FEZ2: variants seen among roughly 807,000 people sequenced by gnomAD.
FEZ2 encodes the protein fasciculation and elongation protein zeta-2.
A neutral mutation model predicts 40.4 loss-of-function variants in FEZ2; 51 were observed. The ratio of observed to expected loss-of-function variants is 1.26; its 90% confidence interval spans 1.01 to 1.59. The LOEUF is 1.59. Among genes scored for constraint, FEZ2 ranks in the 40% most tolerant of loss-of-function variants. The pLI is 0.00. For missense variants in FEZ2, 640 were observed against 438.3 expected (o/e 1.46, Z -4.11); for synonymous variants, 242 against 172.0 (o/e 1.41, Z -3.18).
At position 36,578,580 on chromosome 2, in the gene FEZ2, T is replaced by G. The variant is rs1200081480; in HGVS notation, c.903+17A>C. On this transcript the variant is annotated intron_variant, in intron 5 of 7. Coordinates refer to ENST00000405912, the MANE Select transcript of FEZ2 (RefSeq NM_005102.3). ...CCTGTTTCCAGTGTTCGACGCCTCC[T>G]GCAAAACATCACTTACTGTGCCGGG... The G allele has an allele frequency of 1.2e-6, 2 of 1,602,498 alleles. No homozygotes were observed. The highest frequency in any genetic ancestry group is 4.5e-5 in the East Asian group (2 of 44,792).
chr2:36,559,511 T>A (rs1326383911), intron 5 of FEZ2, among the ~76,000 whole-genome samples: 1 of 152,222 alleles, frequency 6.6e-6, no homozygotes, highest in Admixed American at 6.5e-5. Flanking sequence ...AGTAACTGGA[T>A]CCCTAAGTCC....
chr2:36,588,841 T>C (rs1238758072), intron 2 of FEZ2, among the ~76,000 whole-genome samples: 1 of 152,026 alleles, frequency 6.6e-6, no homozygotes, highest in Non-Finnish European at 1.5e-5. Context: ...CCAGAGAATA[T>C]GGTGGGCCCG....
At chr2:36,581,986 A>G (rs531381333) in intron 3 of FEZ2, among the ~76,000 whole-genome samples, 28 of 152,142 alleles carry the variant, frequency 1.8e-4, no homozygotes, top group Admixed American at 6.5e-4. Context: ...AAAAAAAGGG[A>G]TTTTTTAAAT....
chr2:36,597,046 C>T (rs1669245584), intron 1 of FEZ2, among the ~76,000 whole-genome samples: 1 of 152,140 alleles, frequency 6.6e-6, no homozygotes, highest in Non-Finnish European at 1.5e-5. Context: ...ATTAATATTA[C>T]TTGTGTATGC....
intron 2 of FEZ2, among the ~76,000 whole-genome samples, chr2:36,588,191 G>C (rs1002969875): frequency 1.3e-5 from 2 of 152,046 alleles, no homozygotes; most frequent in Non-Finnish European, 2.9e-5. Flanking sequence ...ACCACGCCTG[G>C]CTAATTTTGT....
chr2:36,578,716 C>A lies in FEZ2; in HGVS notation c.784G>T (p.Val262Phe), dbSNP rs367890426. 18 of 1,613,806 alleles carry A rather than the reference C, an allele frequency of 1.1e-5. No individual in the cohort carries two copies. The highest frequency in any genetic ancestry group is 1.4e-5 in the Non-Finnish European group (17 of 1,179,886). ...EKEVKNSFISVLIEVQNKQKE... is the reference protein window; with the variant it reads ...EKEVKNSFISFLIEVQNKQKE... ...TGTTTGTTTTGCACTTCAATAAGAA[C>A]AGAAATAAAGCTGTTTTTCACTTCC... is the stretch of plus-strand genomic sequence containing the variant. Residue 262 changes from valine to phenylalanine, a missense_variant, in exon 5 of 8, where the codon GTT (valine) becomes TTT (phenylalanine). By Grantham distance (50) the Val-to-Phe change is conservative. Coordinates refer to ENST00000405912, the MANE Select transcript of FEZ2 (RefSeq NM_005102.3).
At chr2:36,592,548 G>A (rs1019560306) in intron 1 of FEZ2, among the ~76,000 whole-genome samples, 4 of 150,222 alleles carry the variant, frequency 2.7e-5, no homozygotes, top group African/African-American at 4.9e-5. Flanking sequence ...GCTCATGCCT[G>A]TAATCCCAGC....
In FEZ2 at chr2:36,590,934, T is replaced by G; in HGVS notation, c.344A>C (p.His115Pro). The change falls in exon 2 of 8, where the codon CAC becomes CCC. Residue 115 changes from histidine (H) to proline (P), a missense_variant. Transcript: ENST00000405912. ...DWKSSHTRTL[H>P]LLTLNLSEKG... ...TTCTGAGAGGTTCAGAGTAAGCAAG[T>G]GCAAGGTCCTAGTATGCGATGACTT... 6.2e-7 allele frequency: 1 copy of G among 1,611,478 alleles called. No individual in the cohort carries two copies. Among genetic ancestry groups the G allele is most frequent in the Non-Finnish European group, 8.5e-7 (1 of 1,177,522 alleles).
intron 5 of FEZ2, among the ~76,000 whole-genome samples, chr2:36,561,716 G>A (rs1668096525): frequency 6.6e-6 from 1 of 151,984 alleles, no homozygotes; most frequent in African/African-American, 2.4e-5. Context: ...CTAATTAAGG[G>A]GAAAGGCTTC....
Position 36,581,120 on chromosome 2 carries a change from G to C in FEZ2, c.634+170C>G, listed in dbSNP as rs1352228396. On this transcript the variant is annotated intron_variant, in intron 4 of 7. Transcript: ENST00000405912. The stretch of plus-strand genomic sequence containing the variant: ...GCTGAAATCATGCCACTTCATTCCA[G>C]CTTGGGCCAAAAAGTGAAATCCCGT... 3.3e-5 allele frequency among the ~76,000 whole-genome samples: 5 copies of C among 152,136 alleles called. No homozygotes were observed. The East Asian group carries it at 9.7e-4, about 30-fold the overall frequency.
chr2:36,553,055 G>C lies in FEZ2; in HGVS notation c.*108C>G. 1.1e-6 allele frequency: 1 copy of C among 888,976 alleles called. No individual in the cohort carries two copies. Among genetic ancestry groups the C allele is most frequent in the South Asian group, 1.5e-5 (1 of 65,692 alleles). The allele number at this position is 888,976 out of a possible 1,614,324, so 55.1% of individuals were successfully genotyped here. ...TCTGTTAATACTGAATCAAACCCAA[G>C]TTCAAATGTGCTGAGTTTCCAATAG... On this transcript the variant is annotated 3_prime_UTR_variant, in exon 8 of 8. Coordinates refer to ENST00000405912, the MANE Select transcript of FEZ2 (RefSeq NM_005102.3).
chr2:36,562,796 C>T (rs938428099), intron 5 of FEZ2, among the ~76,000 whole-genome samples: 4 of 152,030 alleles, frequency 2.6e-5, no homozygotes, highest in Non-Finnish European at 5.9e-5. Context: ...CTCAAATAAC[C>T]AAGTCAGTTT....
chr2:36,581,321 G>A lies in FEZ2; in HGVS notation c.603C>T (p.Leu201=), dbSNP rs373271952. ...LSMLSQEIQT[L]KRSSTGSYEE... ...CATAACTGCCGGTACTAGACCTCTT[G>A]AGAGTTTGAATTTCCTGGGAAAGCA... The change falls in exon 4 of 8, where the codon CTC becomes CTT. Residue 201 remains leucine (L), a synonymous_variant. Coordinates refer to ENST00000405912, the MANE Select transcript of FEZ2 (RefSeq NM_005102.3). 3.7e-6 allele frequency: 6 copies of A among 1,613,722 alleles called. No individual in the cohort carries two copies. Among genetic ancestry groups the A allele is most frequent in the South Asian group, 2.2e-5 (2 of 91,078 alleles).
chr2:36,578,700 T>G lies in FEZ2; in HGVS notation c.800A>C (p.Gln267Pro). 15 of 1,614,040 alleles carry G rather than the reference T, an allele frequency of 9.3e-6. No individual in the cohort carries two copies. Among genetic ancestry groups the G allele is most frequent in the Non-Finnish European group, 1.3e-5 (15 of 1,179,892 alleles). The change falls in exon 5 of 8, where the codon CAA becomes CCA. Residue 267 changes from glutamine to proline, a missense_variant. Coordinates refer to ENST00000405912, the MANE Select transcript of FEZ2 (RefSeq NM_005102.3). ...TTCTTTGTGCTCTTTCTGTTTGTTT[T>G]GCACTTCAATAAGAACAGAAATAAA... ...NSFISVLIEV[Q>P]NKQKEHKETA...
chr2:36,589,726 C>A (rs1224955192), intron 2 of FEZ2: 1 of 152,172 alleles, frequency 6.6e-6, no homozygotes, highest in East Asian at 1.9e-4. Context: ...CTACTGAATA[C>A]TGGGAAATAC....
At chr2:36,553,276 A>G in intron 7 of FEZ2, 97 bp from the exon 8 acceptor site, 1 of 924,476 alleles carries the variant, frequency 1.1e-6, no homozygotes, top group Non-Finnish European at 1.7e-6. Flanking sequence ...CCATTAAGTA[A>G]TGAGAACTAA....
chr2:36,593,279 A>C (rs551454668), intron 1 of FEZ2, among the ~76,000 whole-genome samples: 57 of 152,052 alleles, frequency 3.7e-4, no homozygotes, highest in Non-Finnish European at 7.3e-4. Flanking sequence ...ACCCCTGATA[A>C]ACTCATGGAC....
intron 6 of FEZ2, chr2:36,556,605 G>A (rs1447628027): frequency 6.6e-6 from 1 of 152,180 alleles, no homozygotes; most frequent in African/African-American, 2.4e-5. Flanking sequence ...TCCTAATTGT[G>A]TGACGCTGAG....
chr2:36,580,470 C>A (rs1668702695), intron 4 of FEZ2, among the ~76,000 whole-genome samples: 1 of 152,216 alleles, frequency 6.6e-6, no homozygotes, highest in Admixed American at 6.5e-5. Flanking sequence ...TGATTAGATA[C>A]ACACCTTCCA....
Sources: gnomAD v4.1 joint callset for allele counts (sites outside exome capture counted in the v4.1 genomes callset) on GRCh38, gnomAD v4.1.1 for gene constraint, MANE v1.5 for transcripts, NCBI Gene and HGNC (gene_info 2026-07-23, HGNC 2026-07-21) for gene names.